NME7: variants seen among roughly 807,000 people sequenced by gnomAD.
NME7 encodes the protein NME/NM23 family member 7, also known as nucleoside diphosphate kinase 7.
NME7 carries 41 observed loss-of-function variants against 49.1 expected under a neutral mutation model. That is an observed-to-expected ratio of 0.83 (90% CI 0.65 to 1.08). NME7 has a LOEUF of 1.08. NME7 is among the 50% of genes least tolerant of loss of function. The pLI is 0.00. For synonymous variants in NME7, 139 were observed against 150.6 expected (o/e 0.92, Z 0.56); for missense variants, 423 against 463.4 (o/e 0.91, Z 0.80).
At chr1:169,152,355 T>C (rs529913120) in intron 11 of NME7, among the ~76,000 whole-genome samples, 1 of 152,320 alleles carries the variant, frequency 6.6e-6, no homozygotes, top group African/African-American at 2.4e-5. Flanking sequence ...ACCATAAAGA[T>C]GAGGCAATTC....
At chr1:169,243,288 G>T (rs1368468198) in intron 7 of NME7, among the ~76,000 whole-genome samples, 1 of 152,112 alleles carries the variant, frequency 6.6e-6, no homozygotes, top group Non-Finnish European at 1.5e-5. Context: ...TCAAATTAGA[G>T]AGATAACTTT....
chr1:169,212,267 ATAACT>A (rs1660846272), intron 10 of NME7, among the ~76,000 whole-genome samples: 1 of 152,116 alleles, frequency 6.6e-6, no homozygotes. Context: ...GTTTTACTTA[ATAACT>A]TTACTTAATA....
At chr1:169,283,502 T>C (rs190776803) in intron 7 of NME7, among the ~76,000 whole-genome samples, 144 of 152,256 alleles carry the variant, frequency 9.5e-4, no homozygotes, top group Middle Eastern at 3.4e-3. Context: ...TGTTAGCTGG[T>C]TGTTTTGCCC....
intron 10 of NME7, among the ~76,000 whole-genome samples, chr1:169,199,447 TTTTTTA>T (rs1297238829): frequency 0.031 from 2,647 of 86,112 alleles, 43 homozygotes; most frequent in East Asian, 0.084. Flanking sequence ...ACCCAGGGTC[TTTTTTA>T]TTATTATTAT....
intron 7 of NME7, among the ~76,000 whole-genome samples, chr1:169,272,240 C>A (rs1019843821): frequency 1.5e-5 from 2 of 132,912 alleles, no homozygotes; most frequent in African/African-American, 5.1e-5. Context: ...TATCAACTTT[C>A]ACTTACATAC....
chr1:169,165,145 A>G (rs1659372189), intron 11 of NME7, among the ~76,000 whole-genome samples: 1 of 152,162 alleles, frequency 6.6e-6, no homozygotes, highest in South Asian at 2.1e-4. Flanking sequence ...CTGGGTCACA[A>G]TTAGCAATAT....
rs765323169 is a variant in NME7, at chr1:169,310,013, CTTTG to C, written c.342_345del (p.Asn114LysfsTer6). On this transcript the variant is annotated frameshift_variant, in exon 4 of 12. Transcript: ENST00000367811. LOFTEE classifies it high-confidence loss of function. ...TTGAGTTTGGTTATAGTAAATCCAG[CTTTG>C]TTTATTATTTCAATTATTTCTCCAG... The C allele has an allele frequency of 4.4e-6, 7 of 1,606,674 alleles. No homozygotes were observed. The highest frequency in any genetic ancestry group is 1.3e-5 in the African/African-American group (1 of 74,484).
At chr1:169,284,299 GGTCATTCATGTTCTT>G (rs1650171178) in intron 7 of NME7, 1 of 151,900 alleles carries the variant, frequency 6.6e-6, no homozygotes, top group African/African-American at 2.4e-5. Context: ...AGCTCCATCA[GGTCATTCATGTTCTT>G]CTCTGCATTG....
chr1:169,192,436 AT>A (rs1660259872), intron 10 of NME7, among the ~76,000 whole-genome samples: 1 of 152,126 alleles, frequency 6.6e-6, no homozygotes, highest in Admixed American at 6.5e-5. Flanking sequence ...TAGCATTTAC[AT>A]TGTATTAGGT....
intron 6 of NME7, among the ~76,000 whole-genome samples, chr1:169,291,497 T>C (rs1031941860): frequency 1.3e-5 from 2 of 151,944 alleles, no homozygotes; most frequent in African/African-American, 4.8e-5. Context: ...CACCGTGGCA[T>C]GTTGCGGGGT....
chr1:169,341,518 C>T (rs1307242840), intron 1 of NME7, among the ~76,000 whole-genome samples: 1 of 152,170 alleles, frequency 6.6e-6, no homozygotes, highest in Non-Finnish European at 1.5e-5. Flanking sequence ...GGGGCACTGC[C>T]TGGTGGGGCT....
At chr1:169,280,997 T>A (rs1012534544) in intron 7 of NME7, among the ~76,000 whole-genome samples, 1 of 152,130 alleles carries the variant, frequency 6.6e-6, no homozygotes, top group African/African-American at 2.4e-5. Flanking sequence ...GTGAAGAAAG[T>A]CAATGGTAGC....
At chr1:169,347,944 G>A (rs1382018043) in intron 1 of NME7, among the ~76,000 whole-genome samples, 1 of 152,174 alleles carries the variant, frequency 6.6e-6, no homozygotes, top group East Asian at 1.9e-4. Flanking sequence ...AAATGCTGCA[G>A]ATGCTAAATA....
At position 169,262,895 on chromosome 1, in the gene NME7, G is replaced by A. The variant is rs1649207902; in HGVS notation, c.754+24408C>T. ...ATTAGGGCAACTTGGCTAGGATAGG[G>A]CTTGTCACTCAACTGCAGCCCCAGT... On this transcript the variant is annotated intron_variant, in intron 7 of 11. Transcript: ENST00000367811. Among the ~76,000 whole-genome samples, 3 of 133,408 alleles carry A rather than the reference G, an allele frequency of 2.2e-5. 1 individual carries two copies. The highest frequency in any genetic ancestry group is 2.2e-4 in the Admixed American group (3 of 13,592). The allele number at this position is 133,408 out of a possible 152,430, so 87.5% of individuals were successfully genotyped here.
intron 11 of NME7, among the ~76,000 whole-genome samples, chr1:169,161,865 G>A (rs1659256250): frequency 6.6e-6 from 1 of 152,162 alleles, no homozygotes; most frequent in Non-Finnish European, 1.5e-5. Flanking sequence ...TACTGCTCAG[G>A]GGTCATGTGG....
intron 7 of NME7, among the ~76,000 whole-genome samples, chr1:169,283,006 T>C (rs1438721349): frequency 1.3e-5 from 2 of 152,016 alleles, no homozygotes; most frequent in African/African-American, 2.4e-5. Flanking sequence ...ATCCTTGTTA[T>C]TTTTCTATCT....
chr1:169,254,554 T>G (rs1648823648), intron 7 of NME7, among the ~76,000 whole-genome samples: 1 of 151,400 alleles, frequency 6.6e-6, no homozygotes, highest in Admixed American at 6.6e-5. Context: ...TTTTTGTATC[T>G]CTATTTCCTT....
intron 1 of NME7, among the ~76,000 whole-genome samples, chr1:169,347,536 C>G (rs1383177449): frequency 6.6e-6 from 1 of 152,160 alleles, no homozygotes; most frequent in Non-Finnish European, 1.5e-5. Context: ...AGGCCCTAAA[C>G]CCACCCTGAC....
intron 11 of NME7, among the ~76,000 whole-genome samples, chr1:169,162,381 A>C (rs1273386505): frequency 6.6e-6 from 1 of 151,962 alleles, no homozygotes; most frequent in African/African-American, 2.4e-5. Flanking sequence ...GGTATCACCA[A>C]GTTACAGAAC....
Sources: gnomAD v4.1 joint callset for allele counts (sites outside exome capture counted in the v4.1 genomes callset) on GRCh38, gnomAD v4.1.1 for gene constraint, MANE v1.5 for transcripts, NCBI Gene and HGNC (gene_info 2026-07-23, HGNC 2026-07-21) for gene names.